The following SULT1A2 variants were observed in gnomAD, a reference collection of about 807,000 sequenced individuals.
The protein encoded by SULT1A2 is sulfotransferase 1A2.
Under a neutral mutation model 36.0 loss-of-function variants are expected in SULT1A2, and 33 were observed. That is an observed-to-expected ratio of 0.92 (90% CI 0.69 to 1.22). The LOEUF (loss-of-function observed/expected upper bound fraction) is 1.22. Among genes scored for constraint, SULT1A2 ranks in the 50% most tolerant of loss-of-function variants. The pLI is 0.00. For synonymous variants in SULT1A2, 138 were observed against 144.5 expected (o/e 0.96, Z 0.32); for missense variants, 367 against 383.2 (o/e 0.96, Z 0.35).
chr16:28,596,983 G>A lies in SULT1A2; in HGVS notation c.-5+14C>T, dbSNP rs542654631. The A allele has an allele frequency of 2.2e-4, 272 of 1,263,032 alleles. 4 individuals carry two copies. The highest frequency in any genetic ancestry group is 3.5e-4 in the African/African-American group (23 of 65,068). The allele number at this position is 1,263,032 out of a possible 1,614,324, so 78.2% of individuals were successfully genotyped here. A position where few individuals can be genotyped will look rare whatever the true frequency, so the allele number is the denominator to read the frequency against. The stretch of plus-strand genomic sequence containing the variant: ...GGGTGAGGGCGTCCTGGGCCATTCC[G>A]GTGTGTCACTCACCTGAGCTCTTGG... On this transcript the variant is annotated intron_variant, in intron 1 of 7. Coordinates refer to ENST00000335715, the MANE Select transcript of SULT1A2 (RefSeq NM_001054.4).
At chr16:28,594,107 T>G (rs114564408) in intron 4 of SULT1A2, among the ~76,000 whole-genome samples, 7,671 of 126,090 alleles carry the variant, frequency 0.061, 397 homozygotes, top group African/African-American at 0.14. Context: ...TTTTTTTTTT[T>G]GGGGGGGGGG....
rs772334533 is a variant in SULT1A2, at chr16:28,592,304, C to T, written c.734G>A (p.Arg245Gln). Residue 245 changes from arginine (R) to glutamine (Q), a missense_variant, in exon 7 of 8, where the codon CGG becomes CAG. Physicochemically the swap from Arg to Gln is conservative, Grantham distance 43. Transcript: ENST00000335715. ...NPMTNYTTVR[R>Q]EFMDHSISPF... ...GGAGATGCTGTGGTCCATGAACTCC[C>T]GGCGGACGGTGGTGTAGTTGGTCAT... is the stretch of plus-strand genomic sequence containing the variant. 188 of 1,613,950 alleles carry T rather than the reference C, an allele frequency of 1.2e-4. No homozygotes were observed. The highest frequency in any genetic ancestry group is 1.7e-4 in the African/African-American group (13 of 75,030).
rs1467769974 is a variant in SULT1A2 at position 28,595,647 on chromosome 16, G to A, written c.177C>T (p.Asp59=). ...CCAGGTCACCGCCCTGGTAGATCAT[G>A]TCCAGAATCTGGCTCACCCAGGTGG... The part of the protein sequence containing the change: ...SGTTWVSQIL[D]MIYQGGDLEK... The change falls in exon 3 of 8, where the codon GAC becomes GAT. Residue 59 remains aspartate, a synonymous_variant. Coordinates refer to ENST00000335715, the MANE Select transcript of SULT1A2 (RefSeq NM_001054.4). 1 of 1,614,194 alleles carries A rather than the reference G, an allele frequency of 6.2e-7. No individual in the cohort carries two copies. Among genetic ancestry groups the A allele is most frequent in the South Asian group, 1.1e-5 (1 of 91,086 alleles).
chr16:28,594,411 G>A (rs2047034625), intron 4 of SULT1A2, among the ~76,000 whole-genome samples: 1 of 152,158 alleles, frequency 6.6e-6, no homozygotes, highest in South Asian at 2.1e-4. Flanking sequence ...CAAAATGCTG[G>A]CATTACAGCG....
At chr16:28,596,288 T>C in intron 1 of SULT1A2, 1 of 1,220,102 alleles carries the variant, frequency 8.2e-7, no homozygotes, top group Non-Finnish European at 1.0e-6. Flanking sequence ...GACCTTCCTG[T>C]GCTGTCTTCC....
chr16:28,595,800 C>G lies in SULT1A2; in HGVS notation c.131G>C (p.Ser44Thr), dbSNP rs145008170. Reference protein sequence around the residue: ...FQARPDDLLISTYPKSGTTWV... With the variant: ...FQARPDDLLITTYPKSGTTWV... ...TCACCTACCGGACTTGGGGTAGGTG[C>G]TGATGAGCAGGTCATCAGGCCGGGC... The change falls in exon 2 of 8, where the codon AGC becomes ACC. Residue 44 changes from serine to threonine, a missense_variant. Coordinates refer to ENST00000335715, the MANE Select transcript of SULT1A2 (RefSeq NM_001054.4). The G allele has an allele frequency of 6.2e-7, 1 of 1,612,680 alleles. No homozygotes were observed. The highest frequency in any genetic ancestry group is 2.2e-5 in the East Asian group (1 of 44,862).
At chr16:28,595,525 C>T (rs1405061688) in intron 3 of SULT1A2, 25 bp downstream of exon 3, 2 of 1,614,136 alleles carry the variant, frequency 1.2e-6, no homozygotes, top group Admixed American at 1.7e-5. Flanking sequence ...TTCCTCCACT[C>T]CCCTTGCACC....
Position 28,593,422 on chromosome 16 carries a change from C to T in SULT1A2, c.499+20G>A, listed in dbSNP as rs1465974247. On this transcript the variant is annotated intron_variant, in intron 5 of 7. Transcript: ENST00000335715. ...CACCACCCCTTAGCTCCACACCTTC[C>T]TTCCTCCCATCAAGCCCACCTTCTC... The T allele has an allele frequency of 1.9e-6, 3 of 1,614,084 alleles. No homozygotes were observed. The highest frequency in any genetic ancestry group is 1.7e-5 in the Admixed American group (1 of 60,010).
chr16:28,595,253 T>C, intron 4 of SULT1A2, 114 bp downstream of exon 4: 2 of 1,421,150 alleles, frequency 1.4e-6, no homozygotes, highest in Non-Finnish European at 1.9e-6. Flanking sequence ...TATGCACAGC[T>C]AAGTTTTTTT....
rs758845410 is a variant in SULT1A2 at position 28,595,438 on chromosome 16, C to G, written c.301G>C (p.Ala101Pro). The change falls in exon 4 of 8, where the codon GCC (alanine) becomes CCC (proline). Residue 101 changes from alanine to proline, a missense_variant. Coordinates refer to ENST00000335715, the MANE Select transcript of SULT1A2 (RefSeq NM_001054.4). ...SGMETLKNTP[A>P]PRLLKTHLPL... ...AGGTGTGTCTTCAGGAGTCGTGGGG[C>G]TGGTGTGTTTTTCAGAGTCTCCATC... The G allele has an allele frequency of 3.1e-6, 5 of 1,613,922 alleles. No homozygotes were observed. Among genetic ancestry groups the G allele is most frequent in the South Asian group, 2.2e-5 (2 of 91,078 alleles).
At chr16:28,596,586 A>G (rs1268467754) in intron 1 of SULT1A2, 2 of 247,050 alleles carry the variant, frequency 8.1e-6, no homozygotes, top group Non-Finnish European at 1.5e-5. Flanking sequence ...GGTGGCTCCC[A>G]CCTGTAATCC....
rs2046997642 is a variant in SULT1A2, at chr16:28,592,034, C to G, written c.882G>C (p.Glu294Asp). Residue 294 changes from glutamate to aspartate, a missense_variant, in exon 8 of 8, where the codon GAG becomes GAC. Glu to Asp is a conservative substitution (Grantham distance 45). Transcript: ENST00000335715. The stretch of plus-strand genomic sequence containing the variant: ...GTGACTCCAGGAACCCCTCTCACAG[C>G]TCAGAGCGGAAGCTGAGGCTGCAGC... ...MAGCSLSFRS[E>D]L is the part of the protein sequence containing the mutation. 4 of 1,611,818 alleles carry G rather than the reference C, an allele frequency of 2.5e-6. No homozygotes were observed. Among genetic ancestry groups the G allele is most frequent in the Non-Finnish European group, 3.4e-6 (4 of 1,179,814 alleles).
chr16:28,592,631 A>G lies in SULT1A2; in HGVS notation c.595-188T>C, dbSNP rs2047007926. The G allele has an allele frequency of 5.1e-6, 6 of 1,172,858 alleles. No homozygotes were observed. The African/African-American group carries it at 9.3e-5, about 18-fold the overall frequency. The allele number at this position is 1,172,858 out of a possible 1,614,324, so 72.7% of individuals were successfully genotyped here. On this transcript the variant is annotated intron_variant, in intron 6 of 7. Coordinates refer to ENST00000335715, the MANE Select transcript of SULT1A2 (RefSeq NM_001054.4). The stretch of plus-strand genomic sequence containing the variant: ...TTGCTGTCTGCCCTGTGATCCCATC[A>G]TGAGCTGGGCTTGGCTCCTATGGGT...
chr16:28,594,174 C>T (rs1334661693), intron 4 of SULT1A2, among the ~76,000 whole-genome samples: 1 of 143,604 alleles, frequency 7.0e-6, no homozygotes, highest in Admixed American at 7.2e-5. Flanking sequence ...TTTCTTTTTT[C>T]CTGTTGCCCA....
chr16:28,593,384 T>A, intron 5 of SULT1A2, 38 bp from the exon 6 acceptor site: 1 of 1,614,198 alleles, frequency 6.2e-7, no homozygotes. Flanking sequence ...ACAGGGTTGC[T>A]GTGCGTTGTA....
intron 4 of SULT1A2, 98 bp from the exon 5 acceptor site, chr16:28,593,666 G>C: frequency 1.3e-6 from 2 of 1,571,956 alleles, no homozygotes; most frequent in Non-Finnish European, 1.7e-6. Context: ...CTGAGGCTTA[G>C]AGGCTGACTT....
chr16:28,595,759 G>C, intron 2 of SULT1A2, 24 bp downstream of exon 2: 3 of 1,612,256 alleles, frequency 1.9e-6, no homozygotes, highest in Non-Finnish European at 2.5e-6. Flanking sequence ...ACCTGGGAGA[G>C]GGTGGGTGGC....
In SULT1A2 at chr16:28,593,291, G is replaced by T. The variant is rs2151660642; in HGVS notation, c.555C>A (p.Thr185=). The change falls in exon 6 of 8, where the codon ACC becomes ACA. Residue 185 remains threonine, a synonymous_variant. Coordinates refer to ENST00000335715, the MANE Select transcript of SULT1A2 (RefSeq NM_001054.4). The stretch of plus-strand genomic sequence containing the variant: ...CATAGAAGAGGTAGAGAACAGGGTG[G>T]GTGCGGCTCAGCTCCCACCACTCTT... ...HVQEWWELSR[T]HPVLYLFYED... 1 of 1,614,118 alleles carries T rather than the reference G, an allele frequency of 6.2e-7. No individual in the cohort carries two copies. The highest frequency in any genetic ancestry group is 2.2e-5 in the East Asian group (1 of 44,874).
At chr16:28,593,614 T>C (rs2047024562) in intron 4 of SULT1A2, 46 bp from the exon 5 acceptor site, 1 of 1,611,550 alleles carries the variant, frequency 6.2e-7, no homozygotes, top group African/African-American at 1.3e-5. Context: ...CCACACAGCC[T>C]GCCCCAGGCC....
Sources: gnomAD v4.1 joint callset for allele counts (sites outside exome capture counted in the v4.1 genomes callset) on GRCh38, gnomAD v4.1.1 for gene constraint, MANE v1.5 for transcripts, NCBI Gene and HGNC (gene_info 2026-07-23, HGNC 2026-07-21) for gene names.